The following HRC variants were observed in gnomAD, a reference collection of about 807,000 sequenced individuals.
The protein encoded by HRC is sarcoplasmic reticulum histidine-rich calcium-binding protein.
Under a neutral mutation model 61.4 loss-of-function variants are expected in HRC, and 41 were observed. The observed-to-expected ratio is 0.67, with a 90% CI of 0.52 to 0.87. The LOEUF (loss-of-function observed/expected upper bound fraction) is 0.87. Ranked by LOEUF, HRC falls within the 40% of genes least tolerant of loss-of-function variation. The pLI, the probability that HRC is intolerant of heterozygous loss-of-function variation, is 0.00. For synonymous variants in HRC, 308 were observed against 326.6 expected, an observed-to-expected ratio of 0.94 and a Z score of 0.62; for missense variants, 839 against 885.8, an observed-to-expected ratio of 0.95 and a Z score of 0.67.
rs768743908 is a variant in HRC, at chr19:49,154,742, C to T, written c.496G>A (p.Asp166Asn). The T allele has an allele frequency of 1.4e-5, 23 of 1,614,026 alleles. No homozygotes were observed. Among genetic ancestry groups the T allele is most frequent in the Admixed American group, 1.7e-5 (1 of 59,998 alleles). ...RSHSHQDEDEDEVVSSEHHHH... is the reference protein window; with the variant it reads ...RSHSHQDEDENEVVSSEHHHH... Reference sequence around the variant, plus strand: ...TGATGCTCACTGGACACAACTTCATCCTCATCCTCGTCTTGATGGCTGTGG... The same window carrying T: ...TGATGCTCACTGGACACAACTTCATTCTCATCCTCGTCTTGATGGCTGTGG... Residue 166 changes from aspartate (D) to asparagine (N), a missense_variant, in exon 1 of 6, where the codon GAT becomes AAT. Asp to Asn is a conservative substitution (Grantham distance 23). Transcript: ENST00000252825.
chr19:49,153,820 T>C lies in HRC; in HGVS notation c.1418A>G (p.Asp473Gly). 6.2e-7 allele frequency: 1 copy of C among 1,614,152 alleles called. No homozygotes were observed. Among genetic ancestry groups the C allele is most frequent in the Non-Finnish European group, 8.5e-7 (1 of 1,180,024 alleles). ...ATCATCCTTCCTCAAATGGCTTCTA[T>C]CCTTGACCACTGTGTGTCCTGGGGG... ...HHPPGHTVVK[D>G]RSHLRKDDSE... Residue 473 changes from aspartate (D) to glycine (G), a missense_variant, in exon 1 of 6, where the codon GAT becomes GGT. By Grantham distance (94) the Asp-to-Gly change is moderately conservative (BLOSUM62 -1). Transcript: ENST00000252825. This position sits in a 1 kb window ranked among gnomAD's most constrained non-coding sequence, Gnocchi z 4.8.
Position 49,153,494 on chromosome 19 carries a change from G to C in HRC, c.1744C>G (p.Pro582Ala), listed in dbSNP as rs1391905788. Reference sequence around the variant, plus strand: ...GGGTTGGGGATGATGGTGAAGCGGGGCTCATCTTCCTCCAGCCCCTCCTCC... The same window carrying C: ...GGGTTGGGGATGATGGTGAAGCGGGCCTCATCTTCCTCCAGCCCCTCCTCC... ...EEEEGLEEDE[P>A]RFTIIPNPLD... The change falls in exon 1 of 6, where the codon CCC becomes GCC. Residue 582 changes from proline to alanine, a missense_variant. Pro to Ala is a conservative substitution (Grantham distance 27). Coordinates refer to ENST00000252825, the MANE Select transcript of HRC (RefSeq NM_002152.3). This position sits in a 1 kb window ranked among gnomAD's most constrained non-coding sequence, Gnocchi z 4.8. The C allele has an allele frequency of 6.3e-7, 1 of 1,588,628 alleles. No individual in the cohort carries two copies. The highest frequency in any genetic ancestry group is 1.7e-5 in the Admixed American group (1 of 58,308).
At position 49,154,832 on chromosome 19, in the gene HRC, C is replaced by T. The variant is rs773559151; in HGVS notation, c.406G>A (p.Gly136Ser). The change falls in exon 1 of 6, where the codon GGC (glycine) becomes AGC (serine). Residue 136 changes from glycine to serine, a missense_variant. Physicochemically the swap from Gly to Ser is moderately conservative, Grantham distance 56 (BLOSUM62 0). Transcript: ENST00000252825. ...EHGGQARGHR[G>S]HGSEDTEDSA... ...TCTTCCGTGTCTTCACTCCCGTGGC[C>T]TCTGTGCCCACGGGCCTGCCCACCA... The T allele has an allele frequency of 6.2e-7, 1 of 1,614,182 alleles. No homozygotes were observed. Among genetic ancestry groups the T allele is most frequent in the Non-Finnish European group, 8.5e-7 (1 of 1,180,024 alleles).
Position 49,155,080 on chromosome 19 carries a change from G to A in HRC, c.158C>T (p.Ala53Val). The change falls in exon 1 of 6, where the codon GCA becomes GTA. Residue 53 changes from alanine (A) to valine (V), a missense_variant. Coordinates refer to ENST00000252825, the MANE Select transcript of HRC (RefSeq NM_002152.3). The surrounding 1 kb of genome is among the most constrained non-coding windows in gnomAD (Gnocchi z 4.7). ...GAGGTGGTGGCGAAGCTCTGCTGAT[G>A]CCTCCTCGGAGAGCCCGGCGACTCC... ...STGVAGLSEE[A>V]SAELRHHLHS... 6.2e-7 allele frequency: 1 copy of A among 1,614,174 alleles called. No individual in the cohort carries two copies. Among genetic ancestry groups the A allele is most frequent in the Non-Finnish European group, 8.5e-7 (1 of 1,180,038 alleles).
chr19:49,152,539 TCCCCTG>T (rs1476824318), intron 2 of HRC, among the ~76,000 whole-genome samples, 161 bp from the exon 3 acceptor site: 1 of 106,080 alleles, frequency 9.4e-6, no homozygotes, highest in Non-Finnish European at 1.9e-5. Flanking sequence ...TCCCCTCCCC[TCCCCTG>T]CCCCTGGTTT....
In HRC at chr19:49,153,503, C is replaced by T. The variant is rs867021010; in HGVS notation, c.1735G>A (p.Glu579Lys). The part of the protein sequence containing the change: ...EEEEEEEGLE[E>K]DEPRFTIIPN... ...ATGATGGTGAAGCGGGGCTCATCTTCCTCCAGCCCCTCCTCCTCCTCCTCT... is the reference window on the plus strand; with the variant it reads ...ATGATGGTGAAGCGGGGCTCATCTTTCTCCAGCCCCTCCTCCTCCTCCTCT... Residue 579 changes from glutamate (E) to lysine (K), a missense_variant, in exon 1 of 6, where the codon GAA becomes AAA. Transcript: ENST00000252825. The surrounding 1 kb of genome is among the most constrained non-coding windows in gnomAD (Gnocchi z 4.8). 2 of 1,584,732 alleles carry T rather than the reference C, an allele frequency of 1.3e-6. No homozygotes were observed. Among genetic ancestry groups the T allele is most frequent in the South Asian group, 1.2e-5 (1 of 84,246 alleles).
chr19:49,153,331 C>T lies in HRC; in HGVS notation c.1832G>A (p.Gly611Asp). Residue 611 changes from glycine (G) to aspartate (D), a missense_variant and splice_region_variant, in exon 2 of 6, where the codon GGT becomes GAT. Physicochemically the swap from Gly to Asp is moderately conservative, Grantham distance 94 (BLOSUM62 -1). Transcript: ENST00000252825. This position sits in a 1 kb window ranked among gnomAD's most constrained non-coding sequence, Gnocchi z 4.8. Reference sequence around the variant, plus strand: ...CCCATACTCCTGAGCATCCTGTGGACCTGCGGGGACAGGAGGGCAGCAGTG... The same window carrying T: ...CCCATACTCCTGAGCATCCTGTGGATCTGCGGGGACAGGAGGGCAGCAGTG... ...SSEEESGEDT[G>D]PQDAQEYGNY... The T allele has an allele frequency of 6.2e-7, 1 of 1,613,800 alleles. No individual in the cohort carries two copies. The highest frequency in any genetic ancestry group is 8.5e-7 in the Non-Finnish European group (1 of 1,179,720).
rs368314141 is a variant in HRC at position 49,154,791 on chromosome 19, C to G, written c.447G>C (p.Arg149Ser). The change falls in exon 1 of 6, where the codon AGG becomes AGC. Residue 149 changes from arginine (R) to serine (S), a missense_variant. Coordinates refer to ENST00000252825, the MANE Select transcript of HRC (RefSeq NM_002152.3). ...SEDTEDSAEH[R>S]HHLPSHRSHS... The stretch of plus-strand genomic sequence containing the variant: ...GGCTCCTGTGGCTGGGGAGGTGGTG[C>G]CTGTGCTCAGCTGAGTCTTCCGTGT... 18 of 1,613,740 alleles carry G rather than the reference C, an allele frequency of 1.1e-5. 2 individuals are homozygous for G. The South Asian group carries it at 1.9e-4, about 17-fold the overall frequency.
In HRC at chr19:49,153,402, C is replaced by T. The variant is rs201472861; in HGVS notation, c.1831+5G>A. On this transcript the variant is annotated splice_donor_5th_base_variant and intron_variant, in intron 1 of 5. Coordinates refer to ENST00000252825, the MANE Select transcript of HRC (RefSeq NM_002152.3). The surrounding 1 kb of genome is among the most constrained non-coding windows in gnomAD (Gnocchi z 4.8). Reference sequence around the variant, plus strand: ...TTCCCACCCACACCAGCCCAGGCCACTTACCTGTGTCCTCACCGCTTTCCT... The same window carrying T: ...TTCCCACCCACACCAGCCCAGGCCATTTACCTGTGTCCTCACCGCTTTCCT... The T allele has an allele frequency of 7.0e-5, 113 of 1,613,696 alleles. No individual in the cohort carries two copies. The highest frequency in any genetic ancestry group is 9.2e-5 in the Non-Finnish European group (109 of 1,179,778).
chr19:49,151,606 G>A (rs2041359987), intron 4 of HRC, 53 bp from the exon 5 acceptor site: 7 of 1,528,948 alleles, frequency 4.6e-6, no homozygotes, highest in South Asian at 1.1e-5. Flanking sequence ...AGCAAAATTA[G>A]GCAGCCACTC....
chr19:49,154,142 G>C lies in HRC; in HGVS notation c.1096C>G (p.Pro366Ala). ...ACAAGGCCATGGTGGACATGTTGGG[G>C]ACCCTGGTGCCAACGTTCAGTGGAC... ...DVSTERWHQG[P>A]QHVHHGLVDE... is the part of the protein sequence containing the mutation. The change falls in exon 1 of 6, where the codon CCC becomes GCC. Residue 366 changes from proline to alanine, a missense_variant. Physicochemically the swap from Pro to Ala is conservative, Grantham distance 27 (BLOSUM62 -1). Coordinates refer to ENST00000252825, the MANE Select transcript of HRC (RefSeq NM_002152.3). 6.2e-7 allele frequency: 1 copy of C among 1,613,996 alleles called. No individual in the cohort carries two copies. Among genetic ancestry groups the C allele is most frequent in the Non-Finnish European group, 8.5e-7 (1 of 1,180,030 alleles).
At chr19:49,152,206 G>T in intron 3 of HRC, 104 bp downstream of exon 3, 1 of 1,265,730 alleles carries the variant, frequency 7.9e-7, no homozygotes, top group Non-Finnish European at 1.2e-6. Context: ...TGCATCAGGG[G>T]TAAGGGGTTG....
Position 49,153,361 on chromosome 19 carries a change from A to G in HRC, c.1832-30T>C. ...GGGGACAGGAGGGCAGCAGTGACCC[A>G]GGCTGACTCGGTTCCTTCCCACCCA... On this transcript the variant is annotated intron_variant, in intron 1 of 5. Transcript: ENST00000252825. This position sits in a 1 kb window ranked among gnomAD's most constrained non-coding sequence, Gnocchi z 4.8. 6.2e-7 allele frequency: 1 copy of G among 1,611,828 alleles called. No homozygotes were observed. The highest frequency in any genetic ancestry group is 8.5e-7 in the Non-Finnish European group (1 of 1,177,970).
In HRC at chr19:49,152,372, T is replaced by C; in HGVS notation, c.1909A>G (p.Thr637Ala). Residue 637 changes from threonine (T) to alanine (A), a missense_variant, in exon 3 of 6, where the codon ACT becomes GCT. Coordinates refer to ENST00000252825, the MANE Select transcript of HRC (RefSeq NM_002152.3). Reference sequence around the variant, plus strand: ...TCACAGTGACAGCTCTCACATTCAGTGCATCGCTGGGGACCGGGGGAGCCT... The same window carrying C: ...TCACAGTGACAGCTCTCACATTCAGCGCATCGCTGGGGACCGGGGGAGCCT... ...CGYCSFCNRCTECESCHCDEE... is the reference protein window; with the variant it reads ...CGYCSFCNRCAECESCHCDEE... The C allele has an allele frequency of 1.9e-6, 3 of 1,613,508 alleles. No homozygotes were observed. Among genetic ancestry groups the C allele is most frequent in the Non-Finnish European group, 1.7e-6 (2 of 1,179,862 alleles).
Position 49,152,035 on chromosome 19 carries a change from G to A in HRC, c.1995C>T (p.Cys665=). 1.2e-6 allele frequency: 2 copies of A among 1,614,204 alleles called. No individual in the cohort carries two copies. The highest frequency in any genetic ancestry group is 8.5e-7 in the Non-Finnish European group (1 of 1,180,028). The change falls in exon 4 of 6, where the codon TGC becomes TGT. Residue 665 remains cysteine, a synonymous_variant. Coordinates refer to ENST00000252825, the MANE Select transcript of HRC (RefSeq NM_002152.3). ...QCQHCQFCYL[C]PLVCETVCAP... is the part of the protein sequence containing the mutation. ...CGCAGACCGTTTCGCAGACCAGCGG[G>A]CAGAGATAGCAGAACTGACAGTGCT...
chr19:49,152,481 C>T (rs2041371198), intron 2 of HRC, 103 bp from the exon 3 acceptor site: 4 of 844,666 alleles, frequency 4.7e-6, no homozygotes, highest in African/African-American at 1.7e-5. Context: ...CAGACTCTAC[C>T]CTCTTTATCT....
intron 3 of HRC, 97 bp downstream of exon 3, chr19:49,152,213 G>A (rs529651735): frequency 7.7e-7 from 1 of 1,295,864 alleles, no homozygotes; most frequent in South Asian, 1.2e-5. Context: ...GGGGTAAGGG[G>A]TTGGGTCAGA....
At position 49,154,459 on chromosome 19, in the gene HRC, T is replaced by C. The variant is rs1319928247; in HGVS notation, c.779A>G (p.Asp260Gly). ...DDDDDDDDDD[D>G]DVSIEYRHQA... Reference sequence around the variant, plus strand: ...GTGTCTATATTCAATGGAGACATCATCATCATCATCATCATCATCATCATC... The same window carrying C: ...GTGTCTATATTCAATGGAGACATCACCATCATCATCATCATCATCATCATC... The change falls in exon 1 of 6, where the codon GAT (aspartate) becomes GGT (glycine). Residue 260 changes from aspartate to glycine, a missense_variant. Coordinates refer to ENST00000252825, the MANE Select transcript of HRC (RefSeq NM_002152.3). 2 of 1,225,666 alleles carry C rather than the reference T, an allele frequency of 1.6e-6. No homozygotes were observed. The highest frequency in any genetic ancestry group is 2.2e-6 in the Non-Finnish European group (2 of 906,162). 75.9% of individuals were successfully genotyped at this position (1,225,666 alleles called of 1,614,324 possible).
In HRC at chr19:49,154,245, A is replaced by G. The variant is rs760409119; in HGVS notation, c.993T>C (p.Ala331=). 2 of 1,613,146 alleles carry G rather than the reference A, an allele frequency of 1.2e-6. No homozygotes were observed. Among genetic ancestry groups the G allele is most frequent in the Non-Finnish European group, 1.7e-6 (2 of 1,179,756 alleles). ...HQDHRKEEVE[A]VSGEHHHHVP... is the part of the protein sequence containing the mutation. ...CATGATGGTGGTGTTCACCTGAGAC[A>G]GCCTCAACCTCTTCCTTTCTGTGGT... The change falls in exon 1 of 6, where the codon GCT becomes GCC. Residue 331 remains alanine (A), a synonymous_variant. Transcript: ENST00000252825.
Sources: allele counts gnomAD v4.1 joint callset (sites outside exome capture counted in the v4.1 genomes callset), GRCh38; gene constraint gnomAD v4.1.1; non-coding constraint Gnocchi (gnomAD v3.1); transcripts MANE v1.5; gene names NCBI Gene and HGNC (gene_info 2026-07-23, HGNC 2026-07-21).